Variants in GPC5 observed in about 807,000 individuals in gnomAD.
GPC5 encodes the protein glypican 5, also known as glypican-5.
In GPC5, 47 loss-of-function variants were observed where a neutral mutation model predicts 53.9. The ratio of observed to expected loss-of-function variants is 0.87; its 90% confidence interval spans 0.69 to 1.11. The LOEUF is 1.11. GPC5 is among the 50% of genes most tolerant of loss of function. GPC5 has a pLI of 0.00. For missense variants in GPC5, 748 were observed against 713.1 expected, an observed-to-expected ratio of 1.05 and a Z score of -0.56; for synonymous variants, 286 against 263.3, an observed-to-expected ratio of 1.09 and a Z score of -0.84.
chr13:92,329,046 A>C (rs761022624), intron 7 of GPC5, among the ~76,000 whole-genome samples: 21 of 152,096 alleles, frequency 1.4e-4, no homozygotes, highest in Non-Finnish European at 2.8e-4. Context: ...TATGACCTTA[A>C]ATTTCTGAGA....
At chr13:92,343,021 C>T (rs928743985) in intron 7 of GPC5, among the ~76,000 whole-genome samples, 16 of 152,038 alleles carry the variant, frequency 1.1e-4, no homozygotes, top group African/African-American at 3.6e-4. Context: ...TTACCATTTC[C>T]GTTAAAATAA....
intron 1 of GPC5, among the ~76,000 whole-genome samples, chr13:91,424,881 A>C (rs1320006101): frequency 6.6e-6 from 1 of 152,202 alleles, no homozygotes; most frequent in Non-Finnish European, 1.5e-5. Flanking sequence ...AGAGTAAGTC[A>C]GGACAAGCAA....
intron 5 of GPC5, among the ~76,000 whole-genome samples, chr13:91,883,233 G>T (rs1390492473): frequency 1.3e-5 from 2 of 152,112 alleles, no homozygotes; most frequent in Non-Finnish European, 2.9e-5. Context: ...CTTCTTATAT[G>T]GTTGCTGACT....
intron 7 of GPC5, among the ~76,000 whole-genome samples, chr13:92,745,372 A>G (rs1338519589): frequency 6.6e-6 from 1 of 152,128 alleles, no homozygotes; most frequent in Non-Finnish European, 1.5e-5. Context: ...AAAATGTTAC[A>G]TCACATCTAA....
intron 6 of GPC5, among the ~76,000 whole-genome samples, chr13:91,965,101 G>A (rs557511371): frequency 1.6e-3 from 231 of 148,242 alleles, no homozygotes; most frequent in Non-Finnish European, 1.8e-3. Flanking sequence ...GGGGAGGGGG[G>A]AGAGATAGCA....
chr13:91,866,205 A>G (rs2039083415), intron 5 of GPC5, among the ~76,000 whole-genome samples: 1 of 152,224 alleles, frequency 6.6e-6, no homozygotes, highest in Non-Finnish European at 1.5e-5. Context: ...GAAAGTTTCA[A>G]AGAATGAAAA....
intron 2 of GPC5, among the ~76,000 whole-genome samples, chr13:91,602,962 G>A (rs1315595642): frequency 1.3e-5 from 2 of 152,152 alleles, no homozygotes; most frequent in East Asian, 3.8e-4. Flanking sequence ...ATCCATATTT[G>A]TTTGAATCCA....
At chr13:91,507,786 A>G (rs1281461488) in intron 2 of GPC5, among the ~76,000 whole-genome samples, 1 of 152,218 alleles carries the variant, frequency 6.6e-6, no homozygotes, top group East Asian at 1.9e-4. Flanking sequence ...TTCAGTCTAT[A>G]GCAGTATATT....
intron 7 of GPC5, among the ~76,000 whole-genome samples, chr13:92,370,841 T>C (rs2043644463): frequency 6.6e-6 from 1 of 152,176 alleles, no homozygotes; most frequent in South Asian, 2.1e-4. Flanking sequence ...CAGAACACAT[T>C]TCTTTTGGTA....
intron 7 of GPC5, among the ~76,000 whole-genome samples, chr13:92,619,771 GA>G (rs1884810690): frequency 6.6e-6 from 1 of 151,816 alleles, no homozygotes; most frequent in Non-Finnish European, 1.5e-5. Flanking sequence ...TTAAAACAAA[GA>G]AAAACAACAA....
chr13:91,480,444 G>A (rs7996058), intron 2 of GPC5, among the ~76,000 whole-genome samples: 13,922 of 152,226 alleles, frequency 0.091, 800 homozygotes, highest in African/African-American at 0.16. Flanking sequence ...TTGAGCTGCC[G>A]TTACTTGAAT....
At chr13:91,739,668 C>G (rs2036887978) in intron 4 of GPC5, among the ~76,000 whole-genome samples, 1 of 151,322 alleles carries the variant, frequency 6.6e-6, no homozygotes. Flanking sequence ...GCTTGAGTGT[C>G]TTCACATTGC....
intron 7 of GPC5, among the ~76,000 whole-genome samples, chr13:92,227,180 G>A (rs143496830): frequency 6.6e-6 from 1 of 152,178 alleles, no homozygotes; most frequent in Non-Finnish European, 1.5e-5. Flanking sequence ...ATACCAAAGT[G>A]GAGGGTGAAA....
At chr13:92,787,761 C>T (rs1404865205) in intron 7 of GPC5, among the ~76,000 whole-genome samples, 1 of 148,994 alleles carries the variant, frequency 6.7e-6, no homozygotes, top group African/African-American at 2.5e-5. Flanking sequence ...CTTATAGTCC[C>T]AGCTACTTGG....
intron 7 of GPC5, among the ~76,000 whole-genome samples, chr13:92,477,053 ATAAATAAAT>A (rs1027961013): frequency 1.8e-5 from 1 of 55,654 alleles, no homozygotes; most frequent in Admixed American, 2.1e-4. Flanking sequence ...ATAATAAAAA[ATAAATAAAT>A]AAATAAATAA....
chr13:92,558,896 G>A (rs2139025904), intron 7 of GPC5, among the ~76,000 whole-genome samples: 1 of 152,102 alleles, frequency 6.6e-6, no homozygotes, highest in African/African-American at 2.4e-5. Flanking sequence ...CTGGTGCTGT[G>A]AAGTCAGCAT....
At chr13:91,420,084 C>T (rs1468747912) in intron 1 of GPC5, among the ~76,000 whole-genome samples, 1 of 152,130 alleles carries the variant, frequency 6.6e-6, no homozygotes, top group Non-Finnish European at 1.5e-5. Flanking sequence ...TCTTGCATTT[C>T]CTGTGTCTCA....
intron 6 of GPC5, among the ~76,000 whole-genome samples, chr13:92,135,115 T>A (rs2041773296): frequency 6.6e-6 from 1 of 152,166 alleles, no homozygotes; most frequent in Non-Finnish European, 1.5e-5. Flanking sequence ...CTTGTTTTTT[T>A]CCCTTACTCC....
At chr13:91,834,550 A>G (rs1219487449) in intron 5 of GPC5, among the ~76,000 whole-genome samples, 3 of 152,190 alleles carry the variant, frequency 2.0e-5, no homozygotes, top group Non-Finnish European at 4.4e-5. Flanking sequence ...AAACAGATAT[A>G]TAGACCAATG....
Sources: allele counts gnomAD v4.1 joint callset (sites outside exome capture counted in the v4.1 genomes callset), GRCh38; gene constraint gnomAD v4.1.1; transcripts MANE v1.5; gene names NCBI Gene and HGNC (gene_info 2026-07-23, HGNC 2026-07-21).